The following MTHFSD variants were observed in gnomAD, a reference collection of about 807,000 sequenced individuals.
MTHFSD encodes methenyltetrahydrofolate synthase domain-containing protein.
A neutral mutation model predicts 31.1 loss-of-function variants in MTHFSD; 37 were observed. That is an observed-to-expected ratio of 1.19 (90% confidence interval 0.91 to 1.56). The LOEUF (loss-of-function observed/expected upper bound fraction) is 1.56, where lower values mean the gene tolerates loss of function less well. MTHFSD is among the 40% of genes most tolerant of loss of function. MTHFSD has a pLI of 0.00. For synonymous variants in MTHFSD, 221 were observed against 206.9 expected (o/e 1.07, Z -0.59); for missense variants, 664 against 510.1 (o/e 1.30, Z -2.91).
At chr16:86,547,297 A>T (rs1404926930) in intron 4 of MTHFSD, 1 of 985,584 alleles carries the variant, frequency 1.0e-6, no homozygotes, top group Non-Finnish European at 1.2e-6. Context: ...AGAATAGGGA[A>T]GCTGAATATG....
rs1969905306 is a variant in MTHFSD at position 86,530,560 on chromosome 16, G to A, written c.*1451C>T. 1 of 151,810 alleles carries A rather than the reference G, an allele frequency of 6.6e-6. No homozygotes were observed. The highest frequency in any genetic ancestry group is 2.1e-4 in the South Asian group (1 of 4,826). The allele number at this position is 151,810 out of a possible 1,614,324, so 9.4% of individuals were successfully genotyped here. A position where few individuals can be genotyped will look rare whatever the true frequency, so the allele number is the denominator to read the frequency against. On this transcript the variant is annotated 3_prime_UTR_variant, in exon 8 of 8. Transcript: ENST00000360900. ...GTGGAGAAGGGGGGCTGACTCACTTGCTCTTCTCCTGGAGTTGCTATTCTA... is the reference window on the plus strand; with the variant it reads ...GTGGAGAAGGGGGGCTGACTCACTTACTCTTCTCCTGGAGTTGCTATTCTA...
chr16:86,533,946 G>C (rs939745395), intron 7 of MTHFSD: 2 of 152,264 alleles, frequency 1.3e-5, no homozygotes, highest in African/African-American at 4.8e-5. Flanking sequence ...TCCCGGCGAA[G>C]CTTTTGCTTT....
chr16:86,554,876 C>G, intron 1 of MTHFSD, 125 bp from the exon 2 acceptor site: 1 of 1,049,142 alleles, frequency 9.5e-7, no homozygotes, highest in South Asian at 1.6e-5. Context: ...TGTTCCTGAG[C>G]CTCAGTTTCC....
intron 7 of MTHFSD, chr16:86,532,714 G>C (rs745976982): frequency 2.8e-6 from 1 of 362,112 alleles, no homozygotes; most frequent in Admixed American, 4.7e-5. Flanking sequence ...CAGCACTCAC[G>C]GGGGCTCTGG....
chr16:86,546,461 C>T, intron 5 of MTHFSD, 98 bp downstream of exon 5: 2 of 1,044,884 alleles, frequency 1.9e-6, no homozygotes, highest in Non-Finnish European at 3.0e-6. Context: ...ATCCAGAAAG[C>T]AGACACCACT....
chr16:86,542,418 C>A lies in MTHFSD; in HGVS notation c.443-205G>T. The A allele has an allele frequency of 1.8e-6, 1 of 569,584 alleles. No homozygotes were observed. Among genetic ancestry groups the A allele is most frequent in the Non-Finnish European group, 3.1e-6 (1 of 319,278 alleles). 35.3% of individuals were successfully genotyped at this position (569,584 alleles called of 1,614,324 possible). A position where few individuals can be genotyped will look rare whatever the true frequency, so the allele number is the denominator to read the frequency against. On this transcript the variant is annotated intron_variant, in intron 5 of 7. Coordinates refer to ENST00000360900, the MANE Select transcript of MTHFSD (RefSeq NM_001159377.2). This position sits in a 1 kb window ranked among gnomAD's most constrained non-coding sequence, Gnocchi z 4.6. ...TGGGCATTCAACAGGAATAACAACA[C>A]GGCCAATGTCAGGTGGTGAAACTAC...
intron 2 of MTHFSD, among the ~76,000 whole-genome samples, chr16:86,553,897 T>G (rs562888029): frequency 6.6e-6 from 1 of 152,180 alleles, no homozygotes; most frequent in Non-Finnish European, 1.5e-5. Context: ...TGTGTCTAGC[T>G]CAGAGTTTGT....
At chr16:86,539,383 A>C (rs1971161767) in intron 7 of MTHFSD, among the ~76,000 whole-genome samples, 3 of 152,260 alleles carry the variant, frequency 2.0e-5, no homozygotes, top group South Asian at 4.1e-4. Flanking sequence ...CATGGCGTCC[A>C]GGAAGATTTC....
intron 4 of MTHFSD, chr16:86,547,394 TG>T (rs1972478448): frequency 4.1e-6 from 4 of 985,610 alleles, no homozygotes; most frequent in Non-Finnish European, 3.6e-6. Flanking sequence ...TCATTCGATG[TG>T]GCGGTGGGAT....
At chr16:86,547,163 A>T in intron 4 of MTHFSD, 3 of 986,034 alleles carry the variant, frequency 3.0e-6, no homozygotes, top group Non-Finnish European at 3.6e-6. Flanking sequence ...TGACATATTT[A>T]TTCAATATAA....
At chr16:86,545,563 C>T (rs951883574) in intron 5 of MTHFSD, among the ~76,000 whole-genome samples, 21 of 152,102 alleles carry the variant, frequency 1.4e-4, no homozygotes, top group Admixed American at 4.6e-4. Flanking sequence ...GCCTGAGGAC[C>T]CTTCAGTCCC....
intron 5 of MTHFSD, among the ~76,000 whole-genome samples, chr16:86,543,754 T>TA (rs1451781995): frequency 6.6e-6 from 1 of 152,202 alleles, no homozygotes; most frequent in Admixed American, 6.5e-5. Flanking sequence ...CACAGACCAG[T>TA]ACTAGTCCAT....
At chr16:86,540,280 C>T (rs1048986020) in intron 7 of MTHFSD, among the ~76,000 whole-genome samples, 2 of 152,184 alleles carry the variant, frequency 1.3e-5, no homozygotes, top group African/African-American at 4.8e-5. Context: ...AGTGACTTTC[C>T]TGGAAGAGGG....
At chr16:86,534,809 G>A (rs1251647223) in intron 7 of MTHFSD, among the ~76,000 whole-genome samples, 1 of 152,126 alleles carries the variant, frequency 6.6e-6, no homozygotes, top group Non-Finnish European at 1.5e-5. Flanking sequence ...GGTGGGGTGG[G>A]GGCAAGGTAA....
intron 5 of MTHFSD, among the ~76,000 whole-genome samples, chr16:86,543,228 C>A (rs181281445): frequency 6.6e-6 from 1 of 152,230 alleles, no homozygotes; most frequent in Admixed American, 6.5e-5. Context: ...CACTAGCGGA[C>A]TGCTCAAAGT....
Position 86,541,971 on chromosome 16 carries a change from G to A in MTHFSD, c.555+130C>T. On this transcript the variant is annotated intron_variant, in intron 6 of 7. Transcript: ENST00000360900. Reference sequence around the variant, plus strand: ...GGCTTAGCCGCTGTACCACTAGCAAGTCCAGCCCTGGCTGATCCACACCAC... The same window carrying A: ...GGCTTAGCCGCTGTACCACTAGCAAATCCAGCCCTGGCTGATCCACACCAC... 5 of 1,355,030 alleles carry A rather than the reference G, an allele frequency of 3.7e-6. No individual in the cohort carries two copies. The South Asian group carries it at 6.6e-5, about 18-fold the overall frequency. The allele number at this position is 1,355,030 out of a possible 1,614,324, so 83.9% of individuals were successfully genotyped here. A position where few individuals can be genotyped will look rare whatever the true frequency, so the allele number is the denominator to read the frequency against.
intron 2 of MTHFSD, among the ~76,000 whole-genome samples, chr16:86,553,953 G>A (rs1411124786): frequency 1.3e-5 from 2 of 152,200 alleles, no homozygotes; most frequent in Non-Finnish European, 2.9e-5. Context: ...TAGTGGGGAG[G>A]TGGAGAACTT....
At position 86,552,029 on chromosome 16, in the gene MTHFSD, T is replaced by A. The variant is rs1416030059; in HGVS notation, c.237+4A>T. 1 of 1,614,098 alleles carries A rather than the reference T, an allele frequency of 6.2e-7. No homozygotes were observed. The highest frequency in any genetic ancestry group is 1.1e-5 in the South Asian group (1 of 91,078). On this transcript the variant is annotated splice_donor_region_variant and intron_variant, in intron 3 of 7. Coordinates refer to ENST00000360900, the MANE Select transcript of MTHFSD (RefSeq NM_001159377.2). ...CTCGGCTCGGCTCAGGGAAGTGGAATTACCTGCAGCACCAGCAGCCGAACG... is the reference window on the plus strand; with the variant it reads ...CTCGGCTCGGCTCAGGGAAGTGGAAATACCTGCAGCACCAGCAGCCGAACG...
chr16:86,534,479 C>G (rs760422990), intron 7 of MTHFSD, among the ~76,000 whole-genome samples: 5 of 152,212 alleles, frequency 3.3e-5, no homozygotes, highest in Non-Finnish European at 5.9e-5. Context: ...TGAGGTGCTA[C>G]TGGACACAGA....
Sources: gnomAD v4.1 joint callset for allele counts (sites outside exome capture counted in the v4.1 genomes callset) on GRCh38, gnomAD v4.1.1 for gene constraint, Gnocchi (gnomAD v3.1) non-coding constraint, MANE v1.5 for transcripts, NCBI Gene and HGNC (gene_info 2026-07-23, HGNC 2026-07-21) for gene names.